Variants in RBM27 observed in about 807,000 individuals in gnomAD.
RBM27 encodes the protein RNA binding motif protein 27.
A neutral mutation model predicts 135.3 loss-of-function variants in RBM27; 22 were observed. That is an observed-to-expected ratio of 0.16 (90% CI 0.12 to 0.23). RBM27 has a LOEUF of 0.23. Ranked by LOEUF, RBM27 falls within the 10% of genes least tolerant of loss-of-function variation. The probability of loss-of-function intolerance (pLI) is 1.00; values close to 1 mark genes in which losing one functional copy is unlikely to be tolerated. For missense variants in RBM27, 1,009 were observed against 1,281.0 expected, an observed-to-expected ratio of 0.79 and a Z score of 3.24; for synonymous variants, 481 against 442.4, an observed-to-expected ratio of 1.09 and a Z score of -1.10.
At chr5:146,284,411 A>G (rs1022117442) in intron 19 of RBM27, among the ~76,000 whole-genome samples, 4 of 152,238 alleles carry the variant, frequency 2.6e-5, no homozygotes, top group African/African-American at 9.6e-5. Context: ...TGACACAGAT[A>G]TAAACCATGG....
At chr5:146,235,847 C>T (rs1581173737) in intron 7 of RBM27, among the ~76,000 whole-genome samples, 1 of 152,134 alleles carries the variant, frequency 6.6e-6, no homozygotes, top group East Asian at 1.9e-4. Context: ...GCCACCATGC[C>T]TGGCTAAATT....
chr5:146,269,923 G>GAA (rs1758791062), intron 17 of RBM27, among the ~76,000 whole-genome samples: 2 of 151,708 alleles, frequency 1.3e-5, no homozygotes, highest in African/African-American at 2.4e-5. Flanking sequence ...TACCCTTTTT[G>GAA]GGAAGAGGTT....
In RBM27 at chr5:146,271,551, C is replaced by T. The variant is rs1758864758; in HGVS notation, c.2865C>T (p.Gly955=). ...TGTCCTCTCAAGGTCGAGGAAGAGG[C>T]CGAGGGCGTGGAGGAAGAGGAAGGG... The part of the protein sequence containing the change: ...KTMSSQGRGR[G]RGRGGRGRGS... The change falls in exon 19 of 21, where the codon GGC becomes GGT. Residue 955 remains glycine (G), a synonymous_variant. Transcript: ENST00000265271. 1 of 1,613,518 alleles carries T rather than the reference C, an allele frequency of 6.2e-7. No homozygotes were observed. Among genetic ancestry groups the T allele is most frequent in the African/African-American group, 1.3e-5 (1 of 74,878 alleles).
rs1355794638 is a variant in RBM27 at position 146,288,512 on chromosome 5, G to GC, written c.*2487dup. The GC allele has an allele frequency of 6.6e-6, 1 of 152,008 alleles. No individual in the cohort carries two copies. Among genetic ancestry groups the GC allele is most frequent in the African/African-American group, 2.4e-5 (1 of 41,428 alleles). The allele number at this position is 152,008 out of a possible 1,614,324, so 9.4% of individuals were successfully genotyped here. On this transcript the variant is annotated 3_prime_UTR_variant, in exon 21 of 21. Transcript: ENST00000265271. ...ATAAAATAGTTTATATATATCCCCT[G>GC]CCCCCTTTGGGATTTACTTCCACCA...
At chr5:146,217,163 C>T (rs1035210463) in intron 1 of RBM27, among the ~76,000 whole-genome samples, 4 of 151,768 alleles carry the variant, frequency 2.6e-5, no homozygotes, top group African/African-American at 7.3e-5. Context: ...GACGGGGTTT[C>T]GTCATGTTGT....
chr5:146,284,577 TA>T, intron 19 of RBM27, 44 bp from the exon 20 acceptor site: 1 of 1,248,196 alleles, frequency 8.0e-7, no homozygotes, highest in Non-Finnish European at 1.2e-6. Context: ...AAATCATTAG[TA>T]AATTTGAGTG....
At chr5:146,217,016 G>A (rs570600624) in intron 1 of RBM27, among the ~76,000 whole-genome samples, 80 of 152,184 alleles carry the variant, frequency 5.3e-4, no homozygotes, top group African/African-American at 1.9e-3. Context: ...GCCCAGGCTG[G>A]AGTGCAGTGG....
At chr5:146,215,843 C>T (rs936376617) in intron 1 of RBM27, among the ~76,000 whole-genome samples, 5 of 151,322 alleles carry the variant, frequency 3.3e-5, no homozygotes, top group East Asian at 3.9e-4. Flanking sequence ...CTCTGCCTCC[C>T]GGGTTCAAGT....
intron 19 of RBM27, among the ~76,000 whole-genome samples, chr5:146,274,447 A>G (rs1759003484): frequency 1.3e-5 from 2 of 152,070 alleles, no homozygotes; most frequent in South Asian, 4.1e-4. Flanking sequence ...TTTACTAGAG[A>G]TGGGGTTTTG....
At chr5:146,254,220 T>C (rs1261239975) in intron 9 of RBM27, among the ~76,000 whole-genome samples, 1 of 152,100 alleles carries the variant, frequency 6.6e-6, no homozygotes, top group Admixed American at 6.6e-5. Context: ...TTTGGGAGAC[T>C]GAGGTGGGCA....
chr5:146,259,966 C>A (rs1271362450), intron 11 of RBM27, among the ~76,000 whole-genome samples: 35 of 103,338 alleles, frequency 3.4e-4, no homozygotes, highest in African/African-American at 1.4e-3. Context: ...GGCGACAGAG[C>A]GAGACTCCGT....
intron 4 of RBM27, 112 bp downstream of exon 4, chr5:146,229,149 A>G (rs1756814692): frequency 6.8e-6 from 5 of 732,776 alleles, no homozygotes; most frequent in Non-Finnish European, 9.1e-6. Flanking sequence ...CTGTAAACTC[A>G]TTAAAGAAAG....
intron 1 of RBM27, among the ~76,000 whole-genome samples, chr5:146,215,502 A>T (rs1756150649): frequency 6.6e-6 from 1 of 152,202 alleles, no homozygotes; most frequent in Admixed American, 6.5e-5. Context: ...AGAAAATAAC[A>T]TTGCCATTTT....
intron 19 of RBM27, among the ~76,000 whole-genome samples, chr5:146,284,105 A>G (rs1759482968): frequency 6.6e-6 from 1 of 152,176 alleles, no homozygotes; most frequent in Non-Finnish European, 1.5e-5. Flanking sequence ...CATTTGTTTA[A>G]TGTTTATTGA....
chr5:146,259,984 A>G (rs1758315334), intron 11 of RBM27, among the ~76,000 whole-genome samples: 1 of 92,720 alleles, frequency 1.1e-5, no homozygotes, highest in Admixed American at 1.5e-4. Flanking sequence ...CGTCTCAAAA[A>G]AAAAAAAAAA....
At chr5:146,267,613 A>G (rs374487969) in intron 14 of RBM27, 36 bp from the exon 15 acceptor site, 230 of 1,317,664 alleles carry the variant, frequency 1.7e-4, no homozygotes, top group Non-Finnish European at 2.2e-4. Context: ...ATATAATTAT[A>G]TTTGTGTGTG....
At chr5:146,253,373 C>G (rs1757975618) in intron 9 of RBM27, among the ~76,000 whole-genome samples, 1 of 152,112 alleles carries the variant, frequency 6.6e-6, no homozygotes, top group Non-Finnish European at 1.5e-5. Context: ...TAAAAAATCT[C>G]TAATAGGAAT....
At chr5:146,281,406 G>A (rs1366506534) in intron 19 of RBM27, among the ~76,000 whole-genome samples, 1 of 152,178 alleles carries the variant, frequency 6.6e-6, no homozygotes, top group Non-Finnish European at 1.5e-5. Context: ...TAAAACCAAA[G>A]TTTGTGTTGA....
At position 146,284,608 on chromosome 5, in the gene RBM27, A is replaced by AAT; in HGVS notation, c.2989-7_2989-6dup. 2.0e-6 allele frequency: 3 copies of AAT among 1,524,866 alleles called. No individual in the cohort carries two copies. Among genetic ancestry groups the AAT allele is most frequent in the South Asian group, 1.1e-5 (1 of 87,510 alleles). The allele number at this position is 1,524,866 out of a possible 1,614,324, so 94.5% of individuals were successfully genotyped here. On this transcript the variant is annotated splice_polypyrimidine_tract_variant and intron_variant, in intron 19 of 20. Transcript: ENST00000265271. ...TGAGTGCAAACTTGTATGTTCTTCTAATATATATTTTAGACCGCAAACCAA... is the reference window on the plus strand; with the variant it reads ...TGAGTGCAAACTTGTATGTTCTTCTAATATATATATTTTAGACCGCAAACCAA...
Sources: gnomAD v4.1 joint callset for allele counts (sites outside exome capture counted in the v4.1 genomes callset) on GRCh38, gnomAD v4.1.1 for gene constraint, MANE v1.5 for transcripts, NCBI Gene and HGNC (gene_info 2026-07-23, HGNC 2026-07-21) for gene names.